Variants in ADGRB1 observed in about 807,000 individuals in gnomAD.
ADGRB1 encodes brain-specific angiogenesis inhibitor 1.
In ADGRB1, 36 loss-of-function variants were observed where a neutral mutation model predicts 175.7. The observed-to-expected ratio is 0.20, with a 90% confidence interval of 0.16 to 0.27. The LOEUF is 0.27. ADGRB1 is among the 10% of genes least tolerant of loss of function. The pLI, the probability that ADGRB1 is intolerant of heterozygous loss-of-function variation, is 1.00. For missense variants in ADGRB1, 1,731 were observed against 2,255.3 expected (o/e 0.77, Z 4.71); for synonymous variants, 1,054 against 979.4 (o/e 1.08, Z -1.42).
chr8:142,484,793 C>A, intron 13 of ADGRB1, 29 bp downstream of exon 13: 1 of 1,521,414 alleles, frequency 6.6e-7, no homozygotes, highest in Non-Finnish European at 9.0e-7. Flanking sequence ...TGCCACCCCC[C>A]ATGCCTTGCT....
Position 142,455,389 on chromosome 8 carries a change from C to G in ADGRB1, c.-220+5285C>G, listed in dbSNP as rs1010759325. Among the ~76,000 whole-genome samples the G allele has an allele frequency of 6.6e-6, 1 of 152,068 alleles. No homozygotes were observed. The highest frequency in any genetic ancestry group is 1.5e-5 in the Non-Finnish European group (1 of 68,032). ...TCCTGCTTGTGGCGTTCTGTTCTCT[C>G]GGGCATCCCTCTCTGGGGCTTGGTC... is the stretch of plus-strand genomic sequence containing the variant. On this transcript the variant is annotated intron_variant, in intron 1 of 30. Transcript: ENST00000517894. This position sits in a 1 kb window ranked among gnomAD's most constrained non-coding sequence, Gnocchi z 4.9.
At chr8:142,503,389 C>G (rs944200876) in intron 17 of ADGRB1, among the ~76,000 whole-genome samples, 1 of 152,060 alleles carries the variant, frequency 6.6e-6, no homozygotes, top group Non-Finnish European at 1.5e-5. Flanking sequence ...CTGGCACAGG[C>G]CAGGCCAGGG....
chr8:142,542,560 CG>C lies in ADGRB1; in HGVS notation c.4330del (p.Glu1444SerfsTer24). The C allele has an allele frequency of 2.0e-6, 3 of 1,528,456 alleles. No individual in the cohort carries two copies. The highest frequency in any genetic ancestry group is 2.1e-5 in the Admixed American group (1 of 48,648). 94.7% of individuals were successfully genotyped at this position (1,528,456 alleles called of 1,614,324 possible). ...CGGCACCCCCCAGCCTGGGGGATCC[CG>C]GGGAGCCTGCCGCCCATCCGGGACC... is the stretch of plus-strand genomic sequence containing the variant. ...EPAPPSLGDPGEPAAHPGPST... is the reference protein window; with the variant it reads ...EPAPPSLGDPXEPAAHPGPST... On this transcript the variant is annotated frameshift_variant, in exon 28 of 31. Transcript: ENST00000517894. LOFTEE classifies it high-confidence loss of function. The surrounding 1 kb of genome is among the most constrained non-coding windows in gnomAD (Gnocchi z 6.3).
At chr8:142,488,227 C>T in intron 13 of ADGRB1, 137 bp from the exon 14 acceptor site, 1 of 1,257,644 alleles carries the variant, frequency 8.0e-7, no homozygotes, top group Admixed American at 1.9e-5. Flanking sequence ...CCCCCACACT[C>T]CTGCCTCTGA....
chr8:142,451,379 GCGC>G (rs1259603229), intron 1 of ADGRB1, among the ~76,000 whole-genome samples: 1 of 152,156 alleles, frequency 6.6e-6, no homozygotes, highest in African/African-American at 2.4e-5. Flanking sequence ...TGGAGCGCAG[GCGC>G]CTAGGCTGGG....
chr8:142,463,034 G>T (rs1305951717), intron 1 of ADGRB1, among the ~76,000 whole-genome samples: 1 of 152,216 alleles, frequency 6.6e-6, no homozygotes, highest in African/African-American at 2.4e-5. Flanking sequence ...TCAGCCTGGG[G>T]CTCACGTATG....
chr8:142,464,715 T>C lies in ADGRB1; in HGVS notation c.517T>C (p.Tyr173His). The C allele has an allele frequency of 6.5e-7, 1 of 1,532,352 alleles. No individual in the cohort carries two copies. Among genetic ancestry groups the C allele is most frequent in the Non-Finnish European group, 8.7e-7 (1 of 1,144,998 alleles). The allele number at this position is 1,532,352 out of a possible 1,614,324, so 94.9% of individuals were successfully genotyped here. A position where few individuals can be genotyped will look rare whatever the true frequency, so the allele number is the denominator to read the frequency against. The part of the protein sequence containing the change: ...PGPTDDFSVE[Y>H]LVVGNRNPSR... ...CCCCACCGACGACTTCTCCGTGGAG[T>C]ACCTGGTGGTGGGGAACCGCAACCC... The change falls in exon 2 of 31, where the codon TAC becomes CAC. Residue 173 changes from tyrosine (Y) to histidine (H), a missense_variant. Coordinates refer to ENST00000517894, the MANE Select transcript of ADGRB1 (RefSeq NM_001702.3).
intron 6 of ADGRB1, among the ~76,000 whole-genome samples, 185 bp downstream of exon 6, chr8:142,477,734 C>G (rs1563693139): frequency 6.6e-6 from 1 of 152,202 alleles, no homozygotes; most frequent in Non-Finnish European, 1.5e-5. Flanking sequence ...CATTTCCCAC[C>G]CATATCCCAG....
intron 17 of ADGRB1, among the ~76,000 whole-genome samples, chr8:142,499,804 C>T (rs957915101): frequency 6.6e-5 from 10 of 152,214 alleles, no homozygotes; most frequent in African/African-American, 2.4e-4. Context: ...GAGAGGGCCG[C>T]CACTTCCTGG....
intron 3 of ADGRB1, 31 bp from the exon 4 acceptor site, chr8:142,476,554 G>T: frequency 1.3e-6 from 2 of 1,538,252 alleles, no homozygotes; most frequent in Non-Finnish European, 1.8e-6. Context: ...GCAAAGAACC[G>T]CTCCTGTGCT....
Position 142,539,422 on chromosome 8 carries a change from C to T in ADGRB1, c.3706+9C>T. The stretch of plus-strand genomic sequence containing the variant: ...TCTGGCCTGTAGATCAGGTGAGCGC[C>T]CGACAGGTGAGAGGACAGTGCCAGC... On this transcript the variant is annotated intron_variant, in intron 27 of 30. Transcript: ENST00000517894. 6.2e-7 allele frequency: 1 copy of T among 1,600,892 alleles called. No individual in the cohort carries two copies. Among genetic ancestry groups the T allele is most frequent in the Non-Finnish European group, 8.5e-7 (1 of 1,174,530 alleles).
intron 1 of ADGRB1, among the ~76,000 whole-genome samples, chr8:142,451,640 A>G (rs541089602): frequency 6.0e-4 from 91 of 151,586 alleles, no homozygotes; most frequent in South Asian, 4.6e-3. Context: ...GACCCTCGGT[A>G]CTCTCCCCAC....
intron 1 of ADGRB1, among the ~76,000 whole-genome samples, chr8:142,462,083 A>G (rs1839998949): frequency 6.6e-6 from 1 of 152,104 alleles, no homozygotes; most frequent in Non-Finnish European, 1.5e-5. Flanking sequence ...GTCTGGGGGC[A>G]GGACTGGAGG....
At position 142,533,416 on chromosome 8, in the gene ADGRB1, T is replaced by G. The variant is rs1393885127; in HGVS notation, c.3520T>G (p.Ser1174Ala). 6.2e-7 allele frequency: 1 copy of G among 1,612,510 alleles called. No individual in the cohort carries two copies. Among genetic ancestry groups the G allele is most frequent in the African/African-American group, 1.3e-5 (1 of 74,924 alleles). The part of the protein sequence containing the change: ...LFQILFAVFD[S>A]LEGFVIVMVH... ...CCAGATCCTCTTCGCTGTCTTCGAC[T>G]CGCTGGAGGGCTTCGTCATCGTCAT... Residue 1174 changes from serine to alanine, a missense_variant, in exon 25 of 31, where the codon TCG becomes GCG. By Grantham distance (99) the Ser-to-Ala change is moderately conservative. Coordinates refer to ENST00000517894, the MANE Select transcript of ADGRB1 (RefSeq NM_001702.3).
At chr8:142,489,752 T>C (rs894676475) in intron 16 of ADGRB1, among the ~76,000 whole-genome samples, 24 of 152,100 alleles carry the variant, frequency 1.6e-4, no homozygotes, top group African/African-American at 5.6e-4. Context: ...TCCCATGACT[T>C]CTGGCCCCCT....
At chr8:142,519,164 C>T (rs1843621494) in intron 19 of ADGRB1, among the ~76,000 whole-genome samples, 2 of 152,142 alleles carry the variant, frequency 1.3e-5, no homozygotes, top group South Asian at 2.1e-4. Flanking sequence ...CTGGATTCCA[C>T]AAAACATCTG....
chr8:142,536,872 C>G (rs1382855771), intron 25 of ADGRB1, 115 bp from the exon 26 acceptor site: 4 of 816,800 alleles, frequency 4.9e-6, no homozygotes, highest in Admixed American at 6.0e-5. Flanking sequence ...TCCTGCTGAC[C>G]AGCCCTGCCC....
At chr8:142,522,361 A>G (rs183897337) in intron 21 of ADGRB1, among the ~76,000 whole-genome samples, 7 of 152,264 alleles carry the variant, frequency 4.6e-5, no homozygotes, top group Admixed American at 2.6e-4. Context: ...CCGGTGCAGT[A>G]TTTGGGAGGT....
rs371565193 is a variant in ADGRB1, at chr8:142,484,864, C to A, written c.2308+100C>A. ...CCTCATCTGTATAAAGGGGCAGTGA[C>A]CAGACAGCCTTTGTGGGCCCTCCCA... On this transcript the variant is annotated intron_variant, in intron 13 of 30. Transcript: ENST00000517894. 4 of 908,874 alleles carry A rather than the reference C, an allele frequency of 4.4e-6. No individual in the cohort carries two copies. The South Asian group carries it at 6.7e-5, about 15-fold the overall frequency. 56.3% of individuals were successfully genotyped at this position (908,874 alleles called of 1,614,324 possible). A position where few individuals can be genotyped will look rare whatever the true frequency, so the allele number is the denominator to read the frequency against.
Sources: gnomAD v4.1 joint callset for allele counts (sites outside exome capture counted in the v4.1 genomes callset) on GRCh38, gnomAD v4.1.1 for gene constraint, Gnocchi (gnomAD v3.1) non-coding constraint, MANE v1.5 for transcripts, NCBI Gene and HGNC (gene_info 2026-07-23, HGNC 2026-07-21) for gene names.